PTPN14: variants seen among roughly 807,000 people sequenced by gnomAD.
PTPN14 encodes the protein protein tyrosine phosphatase non-receptor type 14.
A neutral mutation model predicts 126.8 loss-of-function variants in PTPN14; 53 were observed. That is an observed-to-expected ratio of 0.42 (90% CI 0.34 to 0.53). The LOEUF (loss-of-function observed/expected upper bound fraction) is 0.53, where lower values mean the gene tolerates loss of function less well. Ranked by LOEUF, PTPN14 falls within the 20% of genes least tolerant of loss-of-function variation. The pLI, the probability that PTPN14 is intolerant of heterozygous loss-of-function variation, is 0.08. For synonymous variants in PTPN14, 630 were observed against 599.3 expected (o/e 1.05, Z -0.75); for missense variants, 1,257 against 1,552.9 (o/e 0.81, Z 3.20).
At chr1:214,441,245 T>C (rs1452542198) in intron 3 of PTPN14, among the ~76,000 whole-genome samples, 3 of 152,238 alleles carry the variant, frequency 2.0e-5, no homozygotes, top group Admixed American at 6.5e-5. Flanking sequence ...ATACTTAGCA[T>C]AGCATCTTGC....
intron 3 of PTPN14, among the ~76,000 whole-genome samples, chr1:214,428,154 G>C (rs1380655304): frequency 1.3e-5 from 2 of 152,208 alleles, no homozygotes; most frequent in Non-Finnish European, 2.9e-5. Context: ...GGAAATGCCA[G>C]TCAGAAAAAA....
intron 2 of PTPN14, among the ~76,000 whole-genome samples, chr1:214,458,027 A>G (rs1049588114): frequency 6.8e-6 from 1 of 147,600 alleles, no homozygotes; most frequent in Admixed American, 6.7e-5. Flanking sequence ...ATCTATATCT[A>G]TATCTATACC....
chr1:214,465,951 C>CTTTCTTTTTTTT (rs1324868342), intron 1 of PTPN14, among the ~76,000 whole-genome samples: 3 of 59,024 alleles, frequency 5.1e-5, no homozygotes, highest in African/African-American at 2.1e-4. Flanking sequence ...CAGTTACTTC[C>CTTTCTTTTTTTT]TTTTTTTTTT....
intron 3 of PTPN14, among the ~76,000 whole-genome samples, chr1:214,447,855 T>C (rs1660181087): frequency 6.6e-6 from 1 of 152,246 alleles, no homozygotes; most frequent in Non-Finnish European, 1.5e-5. Context: ...AATTTTTTGT[T>C]AGTTTTTCTG....
At chr1:214,513,713 G>T (rs1655032607) in intron 1 of PTPN14, among the ~76,000 whole-genome samples, 2 of 152,242 alleles carry the variant, frequency 1.3e-5, no homozygotes, top group Non-Finnish European at 2.9e-5. Context: ...ACTGCTAGCT[G>T]TGTCAGTTGA....
intron 1 of PTPN14, among the ~76,000 whole-genome samples, chr1:214,506,877 T>A (rs1654857231): frequency 6.6e-6 from 1 of 151,552 alleles, no homozygotes; most frequent in African/African-American, 2.4e-5. Flanking sequence ...ATGTGCAGCA[T>A]AACACACTAA....
intron 3 of PTPN14, among the ~76,000 whole-genome samples, chr1:214,426,303 T>G (rs1659664069): frequency 6.6e-6 from 1 of 152,122 alleles, no homozygotes; most frequent in African/African-American, 2.4e-5. Context: ...ATGCTTGATA[T>G]TTTCAAGCAT....
At chr1:214,390,853 C>G in intron 11 of PTPN14, 135 bp downstream of exon 11, 1 of 653,038 alleles carries the variant, frequency 1.5e-6, no homozygotes, top group South Asian at 4.1e-5. Flanking sequence ...ATCGCATCTG[C>G]TTGACAGAAT....
chr1:214,377,055 T>C (rs1477088487), intron 14 of PTPN14, among the ~76,000 whole-genome samples: 2 of 152,244 alleles, frequency 1.3e-5, no homozygotes, highest in African/African-American at 4.8e-5. Context: ...CCACCTTTCT[T>C]CGCTTCTGAA....
intron 1 of PTPN14, among the ~76,000 whole-genome samples, chr1:214,518,980 C>A (rs1249585299): frequency 6.6e-6 from 1 of 151,992 alleles, no homozygotes; most frequent in Non-Finnish European, 1.5e-5. Context: ...AAGAACAAAA[C>A]GAAACAGGCC....
At chr1:214,422,090 G>C (rs1659557856) in intron 3 of PTPN14, among the ~76,000 whole-genome samples, 1 of 152,138 alleles carries the variant, frequency 6.6e-6, no homozygotes, top group African/African-American at 2.4e-5. Flanking sequence ...AGAAAGGGAG[G>C]AAGATTAATC....
At chr1:214,393,855 G>A in intron 9 of PTPN14, 78 bp from the exon 10 acceptor site, 3 of 1,164,934 alleles carry the variant, frequency 2.6e-6, no homozygotes, top group Non-Finnish European at 3.8e-6. Flanking sequence ...CTTCTGAGGA[G>A]GGACACACAT....
chr1:214,489,332 C>T (rs1661181681), intron 1 of PTPN14, among the ~76,000 whole-genome samples: 1 of 152,168 alleles, frequency 6.6e-6, no homozygotes, highest in Non-Finnish European at 1.5e-5. Context: ...AAACCCAAAA[C>T]CGTATCCATC....
intron 3 of PTPN14, among the ~76,000 whole-genome samples, chr1:214,433,329 T>C (rs1425289562): frequency 1.3e-5 from 2 of 152,012 alleles, no homozygotes; most frequent in East Asian, 1.9e-4. Context: ...GAGGTGGAGC[T>C]TGAAGAAACT....
At chr1:214,360,881 G>C (rs1025548952) in intron 18 of PTPN14, among the ~76,000 whole-genome samples, 1 of 152,178 alleles carries the variant, frequency 6.6e-6, no homozygotes, top group African/African-American at 2.4e-5. Flanking sequence ...GGAGGTGATT[G>C]GAACATGGGG....
Position 214,504,128 on chromosome 1 carries a change from A to G in PTPN14, c.-154-39171T>C, listed in dbSNP as rs1038901010. On this transcript the variant is annotated intron_variant, in intron 1 of 18. Transcript: ENST00000366956. ...AATGTGGAAAACTCAGCTTAAAACTAAAGAAAAATCTTTCAATTTACATTA... is the reference window on the plus strand; with the variant it reads ...AATGTGGAAAACTCAGCTTAAAACTGAAGAAAAATCTTTCAATTTACATTA... Among the ~76,000 whole-genome samples, 5 of 152,330 alleles carry G rather than the reference A, an allele frequency of 3.3e-5. No homozygotes were observed. In the East Asian group the frequency reaches 5.8e-4, roughly 18 times the overall value.
chr1:214,419,465 A>G (rs1388029971), intron 3 of PTPN14, among the ~76,000 whole-genome samples: 1 of 152,214 alleles, frequency 6.6e-6, no homozygotes, highest in Non-Finnish European at 1.5e-5. Flanking sequence ...CAGGACCCGG[A>G]AAGACAAATT....
intron 16 of PTPN14, among the ~76,000 whole-genome samples, chr1:214,370,528 C>G (rs1658194512): frequency 6.6e-6 from 1 of 152,130 alleles, no homozygotes; most frequent in East Asian, 1.9e-4. Flanking sequence ...TCTGTTACAG[C>G]ACACTGACTA....
At chr1:214,508,134 G>A (rs1293492824) in intron 1 of PTPN14, among the ~76,000 whole-genome samples, 3 of 152,144 alleles carry the variant, frequency 2.0e-5, no homozygotes, top group African/African-American at 7.2e-5. Flanking sequence ...GAAGTTGGGT[G>A]GCTATGGCCA....
Sources: allele counts gnomAD v4.1 joint callset (sites outside exome capture counted in the v4.1 genomes callset), GRCh38; gene constraint gnomAD v4.1.1; transcripts MANE v1.5; gene names NCBI Gene and HGNC (gene_info 2026-07-23, HGNC 2026-07-21).